EIF4EBP1: variants seen among roughly 807,000 people sequenced by gnomAD.
The protein encoded by EIF4EBP1 is eukaryotic translation initiation factor 4E-binding protein 1.
Under a neutral mutation model 9.2 loss-of-function variants are expected in EIF4EBP1, and 5 were observed. The ratio of observed to expected loss-of-function variants is 0.54; its 90% CI spans 0.28 to 1.14. The LOEUF (loss-of-function observed/expected upper bound fraction) is 1.14, where lower values mean the gene tolerates loss of function less well. Ranked by LOEUF, EIF4EBP1 falls within the 50% of genes most tolerant of loss-of-function variation. The pLI is 0.09. For missense variants in EIF4EBP1, 139 were observed against 169.6 expected (o/e 0.82, Z 1.00); for synonymous variants, 62 against 67.0 (o/e 0.93, Z 0.36).
intron 2 of EIF4EBP1, among the ~76,000 whole-genome samples, chr8:38,059,407 G>C (rs750731092): frequency 7.9e-5 from 12 of 152,146 alleles, no homozygotes; most frequent in Non-Finnish European, 1.5e-4. Flanking sequence ...CAGAAGCCAA[G>C]CTGAGGCCGG....
chr8:38,037,506 G>A (rs182511935), intron 1 of EIF4EBP1, among the ~76,000 whole-genome samples: 5 of 151,852 alleles, frequency 3.3e-5, no homozygotes, highest in South Asian at 2.1e-4. Context: ...AGTAGAGACG[G>A]GGTTTACCAT....
chr8:38,053,057 T>C (rs575670954), intron 1 of EIF4EBP1, among the ~76,000 whole-genome samples: 94 of 152,218 alleles, frequency 6.2e-4, no homozygotes, highest in Non-Finnish European at 9.7e-4. Flanking sequence ...CTTGCTCTGT[T>C]GCCCAGGCTG....
Position 38,040,827 on chromosome 8 carries a change from C to G in EIF4EBP1, c.145+10109C>G, listed in dbSNP as rs182800200. Among the ~76,000 whole-genome samples the G allele has an allele frequency of 8.1e-4, 124 of 152,326 alleles. 2 individuals are homozygous for G. In the East Asian group the frequency reaches 0.019, roughly 24 times the overall value. ...GTATTCTGTCGGTCAAAGCAAGTCA[C>G]AGGGCCAGCCCAGATTCAGGGAGAG... is the stretch of plus-strand genomic sequence containing the variant. On this transcript the variant is annotated intron_variant, in intron 1 of 2. Transcript: ENST00000338825.
chr8:38,050,100 CG>C (rs1809499608), intron 1 of EIF4EBP1, among the ~76,000 whole-genome samples: 1 of 151,268 alleles, frequency 6.6e-6, no homozygotes, highest in South Asian at 2.1e-4. Flanking sequence ...TTAGTAGAGA[CG>C]GGGTTTCACC....
intron 1 of EIF4EBP1, among the ~76,000 whole-genome samples, chr8:38,037,773 T>G (rs1305641653): frequency 6.6e-6 from 1 of 152,060 alleles, no homozygotes; most frequent in South Asian, 2.1e-4. Context: ...ATGTTGTCTG[T>G]TTTTTGTTTG....
At chr8:38,038,324 T>G (rs1716369381) in intron 1 of EIF4EBP1, among the ~76,000 whole-genome samples, 1 of 151,148 alleles carries the variant, frequency 6.6e-6, no homozygotes. Context: ...CTGGCTAACA[T>G]GGTGAAACCC....
Position 38,035,834 on chromosome 8 carries a change from C to T in EIF4EBP1, c.145+5116C>T, listed in dbSNP as rs556190169. On this transcript the variant is annotated intron_variant, in intron 1 of 2. Coordinates refer to ENST00000338825, the MANE Select transcript of EIF4EBP1 (RefSeq NM_004095.4). ...AAGCAATTCTCCTGCCTCAGCCTCC[C>T]GAATAGCTGGGTTTACAGGCGCGCT... Among the ~76,000 whole-genome samples, 22 of 151,888 alleles carry T rather than the reference C, an allele frequency of 1.4e-4. No individual in the cohort carries two copies. In the East Asian group the frequency reaches 4.1e-3, roughly 28 times the overall value.
rs549250177 is a variant in EIF4EBP1, at chr8:38,041,803, C to G, written c.145+11085C>G. Among the ~76,000 whole-genome samples the G allele has an allele frequency of 6.6e-5, 10 of 152,202 alleles. No individual in the cohort carries two copies. The South Asian group carries it at 2.1e-3, about 32-fold the overall frequency. ...GCCAGGAGTTGGAGACCAGCTTGGG[C>G]AACATAGTGAGACCCTGTCTTTACA... On this transcript the variant is annotated intron_variant, in intron 1 of 2. Coordinates refer to ENST00000338825, the MANE Select transcript of EIF4EBP1 (RefSeq NM_004095.4).
At position 38,038,715 on chromosome 8, in the gene EIF4EBP1, C is replaced by T. The variant is rs1014773368; in HGVS notation, c.145+7997C>T. 5.9e-5 allele frequency among the ~76,000 whole-genome samples: 9 copies of T among 151,390 alleles called. No individual in the cohort carries two copies. The East Asian group carries it at 6.0e-4, about 10-fold the overall frequency. ...GAATTTTGATCTGTTTCTGGGCCAG[C>T]GATACGAGGTACATGCTCTCGAGAT... On this transcript the variant is annotated intron_variant, in intron 1 of 2. Coordinates refer to ENST00000338825, the MANE Select transcript of EIF4EBP1 (RefSeq NM_004095.4).
intron 1 of EIF4EBP1, among the ~76,000 whole-genome samples, chr8:38,049,865 C>T (rs1025025806): frequency 6.6e-6 from 1 of 151,772 alleles, no homozygotes; most frequent in Non-Finnish European, 1.5e-5. Flanking sequence ...TATTGGACCC[C>T]TAATTTATTA....
At chr8:38,039,442 A>G (rs28366815) in intron 1 of EIF4EBP1, among the ~76,000 whole-genome samples, 104,272 of 141,222 alleles carry the variant, frequency 0.74, 38,402 homozygotes, top group Middle Eastern at 0.89. Context: ...GTGTTGCTCT[A>G]TCGCCCAGGC....
intron 1 of EIF4EBP1, among the ~76,000 whole-genome samples, chr8:38,052,768 G>T (rs968391364): frequency 6.6e-6 from 1 of 151,904 alleles, no homozygotes; most frequent in Non-Finnish European, 1.5e-5. Context: ...GCCCAGGCTG[G>T]TCTCAAACTC....
At chr8:38,053,275 C>T (rs986498991) in intron 1 of EIF4EBP1, among the ~76,000 whole-genome samples, 3 of 152,010 alleles carry the variant, frequency 2.0e-5, no homozygotes, top group African/African-American at 7.3e-5. Context: ...GCCTCTGCCT[C>T]CCAAAGTGCT....
chr8:38,049,171 T>G (rs573791710), intron 1 of EIF4EBP1, among the ~76,000 whole-genome samples: 1 of 151,490 alleles, frequency 6.6e-6, no homozygotes, highest in East Asian at 1.9e-4. Context: ...AGTATCTCTG[T>G]TATACTTTTA....
intron 1 of EIF4EBP1, among the ~76,000 whole-genome samples, chr8:38,039,285 T>C (rs1809345266): frequency 6.6e-6 from 1 of 152,138 alleles, no homozygotes; most frequent in South Asian, 2.1e-4. Flanking sequence ...ATAGAGTCTA[T>C]AGTGTGCTGT....
intron 1 of EIF4EBP1, among the ~76,000 whole-genome samples, chr8:38,041,530 T>C (rs914878183): frequency 3.9e-5 from 6 of 152,320 alleles, no homozygotes; most frequent in Admixed American, 3.9e-4. Context: ...AGAGGGAACG[T>C]GCTGCCTGTC....
chr8:38,041,705 A>C (rs1165879204), intron 1 of EIF4EBP1, among the ~76,000 whole-genome samples: 1 of 152,180 alleles, frequency 6.6e-6, no homozygotes, highest in Admixed American at 6.5e-5. Context: ...AGCAAACCAC[A>C]CAAGGTCGGG....
At chr8:38,055,698 A>G (rs2130399876) in intron 1 of EIF4EBP1, among the ~76,000 whole-genome samples, 1 of 152,240 alleles carries the variant, frequency 6.6e-6, no homozygotes, top group East Asian at 1.9e-4. Flanking sequence ...GAAGGTAGCT[A>G]TAAAAAGATA....
chr8:38,053,204 G>T (rs575129575), intron 1 of EIF4EBP1, among the ~76,000 whole-genome samples: 1 of 152,020 alleles, frequency 6.6e-6, no homozygotes, highest in Admixed American at 6.6e-5. Context: ...TTTTAGTAGA[G>T]ACAGGGTTTC....
Sources: allele counts gnomAD v4.1 joint callset (sites outside exome capture counted in the v4.1 genomes callset), GRCh38; gene constraint gnomAD v4.1.1; transcripts MANE v1.5; gene names NCBI Gene and HGNC (gene_info 2026-07-23, HGNC 2026-07-21).